SNAP29: variants seen among roughly 807,000 people sequenced by gnomAD.
The protein encoded by SNAP29 is synaptosomal-associated protein 29.
A neutral mutation model predicts 27.9 loss-of-function variants in SNAP29; 13 were observed. The ratio of observed to expected loss-of-function variants is 0.47; its 90% confidence interval spans 0.30 to 0.74. SNAP29 has a LOEUF of 0.74. SNAP29 is among the 30% of genes least tolerant of loss of function. SNAP29 has a pLI of 0.06. For synonymous variants in SNAP29, 119 were observed against 127.1 expected (o/e 0.94, Z 0.43); for missense variants, 368 against 336.5 (o/e 1.09, Z -0.73).
chr22:20,871,558 C>G (rs898297311), intron 2 of SNAP29, among the ~76,000 whole-genome samples: 1 of 150,630 alleles, frequency 6.6e-6, no homozygotes. Context: ...AGTTGCTTTC[C>G]TCAGGTTTTG....
intron 3 of SNAP29, among the ~76,000 whole-genome samples, 198 bp downstream of exon 3, chr22:20,881,332 G>T (rs1928886653): frequency 6.6e-6 from 1 of 152,116 alleles, no homozygotes; most frequent in South Asian, 2.1e-4. Context: ...CATTATGGTG[G>T]GGCTCCTCCT....
At chr22:20,875,924 G>A (rs954776778) in intron 2 of SNAP29, among the ~76,000 whole-genome samples, 40 of 152,072 alleles carry the variant, frequency 2.6e-4, no homozygotes, top group Non-Finnish European at 4.0e-4. Flanking sequence ...ACTTTTGGGA[G>A]GCTAAGGTGG....
chr22:20,887,745 A>C lies in SNAP29; in HGVS notation c.686A>C (p.Glu229Ala). 3 of 1,614,148 alleles carry C rather than the reference A, an allele frequency of 1.9e-6. No individual in the cohort carries two copies. The highest frequency in any genetic ancestry group is 2.5e-6 in the Non-Finnish European group (3 of 1,179,980). ...IALGMQTEIE[E>A]QDDILDRLTT... is the part of the protein sequence containing the mutation. The stretch of plus-strand genomic sequence containing the variant: ...CTGGGGATGCAGACAGAAATTGAGG[A>C]GCAAGATGACATTCTTGACCGGCTG... Residue 229 changes from glutamate (E) to alanine (A), a missense_variant, in exon 5 of 5, where the codon GAG becomes GCG. Glu to Ala is a moderately radical substitution (Grantham distance 107). Coordinates refer to ENST00000215730, the MANE Select transcript of SNAP29 (RefSeq NM_004782.4).
chr22:20,876,735 A>AT (rs1460500798), intron 2 of SNAP29, among the ~76,000 whole-genome samples: 9 of 151,586 alleles, frequency 5.9e-5, no homozygotes, highest in African/African-American at 1.7e-4. Flanking sequence ...GCCCGGCTAA[A>AT]TTTTTTTTGT....
chr22:20,882,509 CCCA>C (rs1928913372), intron 3 of SNAP29, among the ~76,000 whole-genome samples: 1 of 152,098 alleles, frequency 6.6e-6, no homozygotes, highest in Non-Finnish European at 1.5e-5. Context: ...AGCTCTGGAA[CCCA>C]CCATGGTTGT....
At chr22:20,886,909 G>A (rs955152033) in intron 4 of SNAP29, among the ~76,000 whole-genome samples, 11 of 151,858 alleles carry the variant, frequency 7.2e-5, no homozygotes, top group African/African-American at 2.4e-4. Flanking sequence ...CATTGTACCC[G>A]GCCAAAACTA....
intron 2 of SNAP29, among the ~76,000 whole-genome samples, chr22:20,872,834 T>C: frequency 7.8e-6 from 1 of 128,194 alleles, no homozygotes; most frequent in Non-Finnish European, 1.7e-5. Context: ...TTTTTTTTTT[T>C]TTTTTTTTTT....
intron 4 of SNAP29, among the ~76,000 whole-genome samples, chr22:20,885,327 G>C (rs567384537): frequency 3.0e-4 from 45 of 152,108 alleles, no homozygotes; most frequent in Non-Finnish European, 6.2e-4. Flanking sequence ...TCTAGTGGAA[G>C]GCAAAACTGA....
chr22:20,884,684 G>A (rs1431586203), intron 4 of SNAP29, among the ~76,000 whole-genome samples: 3 of 152,306 alleles, frequency 2.0e-5, no homozygotes, highest in East Asian at 1.9e-4. Flanking sequence ...CAATCAGACT[G>A]TAGATTCCAG....
rs569612850 is a variant in SNAP29 at position 20,887,944 on chromosome 22, G to A, written c.*108G>A. On this transcript the variant is annotated 3_prime_UTR_variant, in exon 5 of 5. Transcript: ENST00000215730. ...TTAGTATGTAAATTAATGTGTGTTT[G>A]CAAATGTTATAATAGAGTAGGTCTT... The A allele has an allele frequency of 4.4e-6, 5 of 1,127,236 alleles. No individual in the cohort carries two copies. In the East Asian group the frequency reaches 1.3e-4, roughly 29 times the overall value. 69.8% of individuals were successfully genotyped at this position (1,127,236 alleles called of 1,614,324 possible).
At chr22:20,865,580 A>T (rs575769136) in intron 1 of SNAP29, among the ~76,000 whole-genome samples, 1 of 152,176 alleles carries the variant, frequency 6.6e-6, no homozygotes, top group South Asian at 2.1e-4. Context: ...TCTGCCTCTG[A>T]GGTGTTCTTA....
In SNAP29 at chr22:20,880,972, TG is replaced by T. The variant is rs1247008767; in HGVS notation, c.435-76del. The T allele has an allele frequency of 5.7e-5, 53 of 937,124 alleles. No individual in the cohort carries two copies. In the Middle Eastern group the frequency reaches 4.5e-3, roughly 80 times the overall value. 58.1% of individuals were successfully genotyped at this position (937,124 alleles called of 1,614,324 possible). On this transcript the variant is annotated intron_variant, in intron 2 of 4. Transcript: ENST00000215730. ...TTTGATTTTTAGCACACAGGCATTA[TG>T]TGAAAAGACTGATAACATTGTCATA... is the stretch of plus-strand genomic sequence containing the variant.
At chr22:20,870,090 C>T (rs1928550990) in intron 1 of SNAP29, among the ~76,000 whole-genome samples, 1 of 152,036 alleles carries the variant, frequency 6.6e-6, no homozygotes, top group Non-Finnish European at 1.5e-5. Flanking sequence ...CTTAACATGG[C>T]GCCATGAGCC....
chr22:20,881,025 T>A, intron 2 of SNAP29, 24 bp from the exon 3 acceptor site: 1 of 1,513,208 alleles, frequency 6.6e-7, no homozygotes. Context: ...AAACGTTTTC[T>A]TTTTTGTGAA....
At chr22:20,868,779 G>T (rs923537095) in intron 1 of SNAP29, among the ~76,000 whole-genome samples, 4 of 152,198 alleles carry the variant, frequency 2.6e-5, no homozygotes, top group Non-Finnish European at 5.9e-5. Flanking sequence ...CGCAGCTGTA[G>T]ATCAGTTCTG....
At chr22:20,874,322 A>G (rs964368840) in intron 2 of SNAP29, among the ~76,000 whole-genome samples, 3 of 145,432 alleles carry the variant, frequency 2.1e-5, no homozygotes, top group African/African-American at 7.6e-5. Flanking sequence ...ACACAGACAC[A>G]CACACACACA....
intron 2 of SNAP29, among the ~76,000 whole-genome samples, chr22:20,872,005 A>T (rs1928603782): frequency 6.6e-6 from 1 of 152,140 alleles, no homozygotes; most frequent in African/African-American, 2.4e-5. Flanking sequence ...GTCTGTTTTT[A>T]TTACAAAAAC....
intron 1 of SNAP29, among the ~76,000 whole-genome samples, chr22:20,867,669 C>G (rs906067430): frequency 6.6e-6 from 1 of 152,236 alleles, no homozygotes; most frequent in Non-Finnish European, 1.5e-5. Flanking sequence ...GCCTTCCAGC[C>G]TCACAGGCAA....
chr22:20,880,946 A>AT (rs1928876832), intron 2 of SNAP29, 103 bp from the exon 3 acceptor site: 1 of 770,256 alleles, frequency 1.3e-6, no homozygotes, highest in Admixed American at 2.1e-5. Context: ...CAGAGGAGGC[A>AT]TTTGATTTTT....
Sources: gnomAD v4.1 joint callset for allele counts (sites outside exome capture counted in the v4.1 genomes callset) on GRCh38, gnomAD v4.1.1 for gene constraint, MANE v1.5 for transcripts, NCBI Gene and HGNC (gene_info 2026-07-23, HGNC 2026-07-21) for gene names.